The following FYN variants were observed in gnomAD, a reference collection of about 807,000 sequenced individuals.
FYN encodes the protein FYN proto-oncogene, Src family tyrosine kinase.
A neutral mutation model predicts 70.2 loss-of-function variants in FYN; 10 were observed. The ratio of observed to expected loss-of-function variants is 0.14; its 90% CI spans 0.09 to 0.24. The LOEUF is 0.24. Ranked by LOEUF, FYN falls within the 10% of genes least tolerant of loss-of-function variation. The pLI is 1.00. For synonymous variants in FYN, 236 were observed against 248.6 expected (o/e 0.95, Z 0.48); for missense variants, 319 against 673.1 (o/e 0.47, Z 5.82).
At chr6:111,779,894 C>T (rs1009294179) in intron 3 of FYN, among the ~76,000 whole-genome samples, 2 of 152,228 alleles carry the variant, frequency 1.3e-5, no homozygotes, top group Admixed American at 6.5e-5. Flanking sequence ...TTTATTCTCA[C>T]AACAACCCTA....
At chr6:111,849,771 G>A (rs891335028) in intron 1 of FYN, among the ~76,000 whole-genome samples, 6 of 152,192 alleles carry the variant, frequency 3.9e-5, no homozygotes, top group Admixed American at 1.3e-4. Context: ...CACCAACCCT[G>A]CTGGGTAGCA....
chr6:111,816,798 A>G (rs546143510), intron 2 of FYN, among the ~76,000 whole-genome samples: 3 of 152,264 alleles, frequency 2.0e-5, no homozygotes, highest in South Asian at 2.1e-4. Context: ...TTAGGAACTT[A>G]TTCTAAGGAG....
chr6:111,695,904 T>TA (rs1415374520), intron 10 of FYN, among the ~76,000 whole-genome samples: 1 of 152,194 alleles, frequency 6.6e-6, no homozygotes, highest in African/African-American at 2.4e-5. Context: ...TGTCTGATAT[T>TA]AATTGTTTAG....
chr6:111,763,593 T>C (rs1803093034), intron 3 of FYN, among the ~76,000 whole-genome samples: 1 of 152,198 alleles, frequency 6.6e-6, no homozygotes, highest in Admixed American at 6.5e-5. Context: ...TCAAACATAG[T>C]TTTCATAATT....
chr6:111,695,882 C>G (rs1377594527), intron 10 of FYN, among the ~76,000 whole-genome samples: 1 of 152,120 alleles, frequency 6.6e-6, no homozygotes, highest in Non-Finnish European at 1.5e-5. Context: ...CTAAACTTAG[C>G]TTAGAGACCA....
intron 2 of FYN, among the ~76,000 whole-genome samples, chr6:111,786,338 C>T (rs1468043853): frequency 3.3e-5 from 5 of 151,966 alleles, no homozygotes; most frequent in Non-Finnish European, 5.9e-5. Flanking sequence ...TGATAGTTTG[C>T]TGAGAATGAT....
chr6:111,751,927 T>C (rs1307358825), intron 3 of FYN, among the ~76,000 whole-genome samples: 1 of 152,198 alleles, frequency 6.6e-6, no homozygotes, highest in East Asian at 1.9e-4. Flanking sequence ...CTTCAGATAT[T>C]TCTTAAGCTT....
chr6:111,774,470 G>T (rs1430894660), intron 3 of FYN, among the ~76,000 whole-genome samples: 1 of 152,084 alleles, frequency 6.6e-6, no homozygotes, highest in Admixed American at 6.5e-5. Flanking sequence ...ACTGTTCAAG[G>T]CACTGCAGGA....
intron 3 of FYN, among the ~76,000 whole-genome samples, chr6:111,777,240 G>T (rs569740819): frequency 1.3e-5 from 2 of 152,238 alleles, no homozygotes; most frequent in East Asian, 3.9e-4. Flanking sequence ...TTTTTCGCTT[G>T]GAGTTAGGGG....
At chr6:111,737,342 A>G (rs1801752533) in intron 3 of FYN, among the ~76,000 whole-genome samples, 2 of 152,200 alleles carry the variant, frequency 1.3e-5, no homozygotes, top group Non-Finnish European at 2.9e-5. Context: ...GACATGAGTC[A>G]CAGGCCCCAG....
At chr6:111,842,399 T>C (rs1268516604) in intron 2 of FYN, among the ~76,000 whole-genome samples, 1 of 152,156 alleles carries the variant, frequency 6.6e-6, no homozygotes, top group African/African-American at 2.4e-5. Context: ...CAGGAAGCAA[T>C]GGCTCCCACA....
intron 3 of FYN, among the ~76,000 whole-genome samples, chr6:111,760,191 T>C (rs925713300): frequency 6.6e-6 from 1 of 151,982 alleles, no homozygotes; most frequent in Non-Finnish European, 1.5e-5. Context: ...ACCAGCAGCA[T>C]AATACAGCCA....
intron 2 of FYN, among the ~76,000 whole-genome samples, chr6:111,795,903 G>T (rs1771789515): frequency 6.6e-6 from 1 of 152,166 alleles, no homozygotes; most frequent in Non-Finnish European, 1.5e-5. Flanking sequence ...CTGAGAGTAG[G>T]TTGAGATTGT....
At chr6:111,710,627 T>C (rs917377218) in intron 5 of FYN, among the ~76,000 whole-genome samples, 1 of 152,226 alleles carries the variant, frequency 6.6e-6, no homozygotes, top group African/African-American at 2.4e-5. Flanking sequence ...AAAGATTCAA[T>C]GTTTATTATG....
In FYN at chr6:111,696,410, T is replaced by C. The variant is rs775485978; in HGVS notation, c.909A>G (p.Pro303=). Residue 303 remains proline (P), a synonymous_variant, in exon 10 of 14, where the codon CCA becomes CCG. Transcript: ENST00000354650. ...NTKVAIKTLK[P]GTMSPESFLE... is the part of the protein sequence containing the mutation. Reference sequence around the variant, plus strand: ...GGAATGATTCGGGGGACATTGTGCCTGGTTTAAGAGTCTTTATGGCTACTT... The same window carrying C: ...GGAATGATTCGGGGGACATTGTGCCCGGTTTAAGAGTCTTTATGGCTACTT... 2.5e-6 allele frequency: 4 copies of C among 1,612,574 alleles called. No homozygotes were observed. The South Asian group carries it at 4.4e-5, about 18-fold the overall frequency.
rs1434281711 is a variant in FYN at position 111,661,977 on chromosome 6, A to T, written c.1406-30T>A. 6.4e-7 allele frequency: 1 copy of T among 1,556,252 alleles called. No homozygotes were observed. Among genetic ancestry groups the T allele is most frequent in the East Asian group, 2.3e-5 (1 of 44,324 alleles). On this transcript the variant is annotated intron_variant, in intron 13 of 13. Coordinates refer to ENST00000354650, the MANE Select transcript of FYN (RefSeq NM_002037.5). The surrounding 1 kb of genome is among the most constrained non-coding windows in gnomAD (Gnocchi z 4.0). ...AAAGACAAGCGCAGTGAGAGTGGGC[A>T]CCCCGGGGATCCAGGCCCTGACCGC...
chr6:111,862,630 A>G (rs1773994370), intron 1 of FYN, among the ~76,000 whole-genome samples: 1 of 152,220 alleles, frequency 6.6e-6, no homozygotes, highest in South Asian at 2.1e-4. Flanking sequence ...TGTGGGGCCA[A>G]GTATGTCTAG....
chr6:111,804,727 G>A (rs1772095818), intron 2 of FYN, among the ~76,000 whole-genome samples: 1 of 152,234 alleles, frequency 6.6e-6, no homozygotes, highest in African/African-American at 2.4e-5. Flanking sequence ...CTCATAAGCA[G>A]TATGTGGTCC....
intron 4 of FYN, among the ~76,000 whole-genome samples, chr6:111,717,607 G>A (rs1044221431): frequency 5.3e-5 from 8 of 151,942 alleles, no homozygotes; most frequent in South Asian, 4.1e-4. Context: ...GATTACAGGC[G>A]CCCACCACCA....
Sources: allele counts gnomAD v4.1 joint callset (sites outside exome capture counted in the v4.1 genomes callset), GRCh38; gene constraint gnomAD v4.1.1; non-coding constraint Gnocchi (gnomAD v3.1); transcripts MANE v1.5; gene names NCBI Gene and HGNC (gene_info 2026-07-23, HGNC 2026-07-21).